Variants in ANKRD36 observed in about 807,000 individuals in gnomAD.
ANKRD36 encodes ankyrin repeat domain 36, also known as ankyrin repeat domain-containing protein 36A.
In ANKRD36, 179 loss-of-function variants were observed where a neutral mutation model predicts 278.1. That is an observed-to-expected ratio of 0.64 (90% CI 0.57 to 0.73). The LOEUF (loss-of-function observed/expected upper bound fraction) is 0.73. ANKRD36 is among the 30% of genes least tolerant of loss of function. ANKRD36 has a pLI of 0.00. For missense variants in ANKRD36, 1,159 were observed against 1,956.7 expected (o/e 0.59, Z 7.69); for synonymous variants, 320 against 641.1 (o/e 0.50, Z 7.57).
Position 97,156,148 on chromosome 2 carries a change from T to G in ANKRD36, c.1260+1407T>G, listed in dbSNP as rs1180251478. Among the ~76,000 whole-genome samples the G allele has an allele frequency of 1.4e-5, 2 of 146,938 alleles. 1 individual carries two copies. The highest frequency in any genetic ancestry group is 3.1e-5 in the Non-Finnish European group (2 of 65,088). ...GGAAGCTTAGATTAGGATTTTAGAT[T>G]AAATTTTCTTAAATTTTTAAAGCCC... On this transcript the variant is annotated intron_variant, in intron 15 of 75. Transcript: ENST00000420699.
At chr2:97,222,336 C>T (rs375282235) in intron 66 of ANKRD36, among the ~76,000 whole-genome samples, 17 of 152,176 alleles carry the variant, frequency 1.1e-4, no homozygotes, top group African/African-American at 2.6e-4. Context: ...GCTTTTGAAT[C>T]GTTACCTAGC....
At chr2:97,140,430 A>G (rs1035021629) in intron 6 of ANKRD36, among the ~76,000 whole-genome samples, 6 of 152,024 alleles carry the variant, frequency 3.9e-5, no homozygotes, top group African/African-American at 1.2e-4. Context: ...GAAAGTGTTC[A>G]TATCCTGGAA....
chr2:97,120,305 A>G (rs974605012), intron 3 of ANKRD36, among the ~76,000 whole-genome samples: 1 of 86,512 alleles, frequency 1.2e-5, no homozygotes, highest in African/African-American at 3.4e-5. Flanking sequence ...GGACTGCCTC[A>G]GTATGTCAGT....
At chr2:97,211,612 G>C (rs1436586435) in intron 57 of ANKRD36, 38 bp downstream of exon 57, 19 of 1,600,486 alleles carry the variant, frequency 1.2e-5, no homozygotes, top group Non-Finnish European at 1.5e-5. Flanking sequence ...ACTATTAACT[G>C]TATAGTATAT....
chr2:97,130,078 C>G (rs1313112635), intron 6 of ANKRD36, among the ~76,000 whole-genome samples: 1 of 152,006 alleles, frequency 6.6e-6, no homozygotes, highest in Non-Finnish European at 1.5e-5. Context: ...GCCATTTTGA[C>G]AGTATTGATA....
intron 6 of ANKRD36, among the ~76,000 whole-genome samples, chr2:97,137,809 C>T (rs368361227): frequency 6.6e-5 from 10 of 152,090 alleles, no homozygotes; most frequent in South Asian, 4.2e-4. Flanking sequence ...CTAAATGGCG[C>T]GAGATGGTAT....
At chr2:97,206,394 G>C (rs1188900545) in intron 52 of ANKRD36, among the ~76,000 whole-genome samples, 2 of 151,460 alleles carry the variant, frequency 1.3e-5, no homozygotes, top group East Asian at 3.9e-4. Flanking sequence ...AAGGGTCTCT[G>C]GGGAACAGCA....
intron 75 of ANKRD36, chr2:97,252,409 TTTATGTC>T (rs1188978202): frequency 4.8e-5 from 3 of 63,076 alleles, no homozygotes; most frequent in Non-Finnish European, 8.5e-5. Flanking sequence ...TTTTTTATCT[TTTATGTC>T]TGATGAAAAT....
intron 11 of ANKRD36, 99 bp from the exon 12 acceptor site, chr2:97,149,196 C>T: frequency 7.3e-6 from 7 of 955,598 alleles, no homozygotes; most frequent in Non-Finnish European, 9.5e-6. Context: ...CTTTGTTTTA[C>T]CATTTTTTTG....
chr2:97,161,958 A>G (rs1192233897), intron 17 of ANKRD36, 141 bp from the exon 18 acceptor site: 1 of 500,010 alleles, frequency 2.0e-6, no homozygotes, highest in Non-Finnish European at 2.9e-6. Flanking sequence ...TAAATAAATA[A>G]AATTAGTATT....
At chr2:97,197,048 G>A (rs1324171845) in intron 42 of ANKRD36, among the ~76,000 whole-genome samples, 2 of 151,986 alleles carry the variant, frequency 1.3e-5, no homozygotes, top group African/African-American at 4.8e-5. Flanking sequence ...AGGGTCTCTG[G>A]GGAACAGCAT....
At chr2:97,178,790 G>T (rs1181290513) in intron 22 of ANKRD36, among the ~76,000 whole-genome samples, 1 of 122,920 alleles carries the variant, frequency 8.1e-6, no homozygotes, top group Non-Finnish European at 2.0e-5. Flanking sequence ...TAACTAACCT[G>T]CACAATGTGC....
Position 97,197,451 on chromosome 2 carries a change from A to G in ANKRD36, c.2653+663A>G, listed in dbSNP as rs1374066664. On this transcript the variant is annotated intron_variant, in intron 42 of 75. Transcript: ENST00000420699. Reference sequence around the variant, plus strand: ...CACTGACTCATTACTCTCCTTTGTTACTGTTAGACATCAGAGATATATGTT... The same window carrying G: ...CACTGACTCATTACTCTCCTTTGTTGCTGTTAGACATCAGAGATATATGTT... 2.3e-4 allele frequency among the ~76,000 whole-genome samples: 35 copies of G among 151,964 alleles called. 1 individual carries two copies. The highest frequency in any genetic ancestry group is 2.6e-4 in the Admixed American group (4 of 15,230).
chr2:97,202,136 C>T, intron 46 of ANKRD36, 66 bp from the exon 47 acceptor site: 3 of 1,599,446 alleles, frequency 1.9e-6, no homozygotes, highest in Non-Finnish European at 2.5e-6. Flanking sequence ...TCTAACAGTG[C>T]TCGAATGTAT....
chr2:97,132,252 G>A (rs1379191343), intron 6 of ANKRD36, among the ~76,000 whole-genome samples: 1 of 151,572 alleles, frequency 6.6e-6, no homozygotes, highest in Non-Finnish European at 1.5e-5. Context: ...TGCCTCAGCC[G>A]TTGGAGTAGT....
intron 36 of ANKRD36, among the ~76,000 whole-genome samples, chr2:97,191,382 C>T (rs1399513538): frequency 6.6e-6 from 1 of 151,642 alleles, no homozygotes; most frequent in East Asian, 2.0e-4. Context: ...TTATACACTT[C>T]CCCACATTCA....
intron 46 of ANKRD36, among the ~76,000 whole-genome samples, chr2:97,201,744 G>C (rs1165619672): frequency 6.6e-6 from 1 of 151,926 alleles, no homozygotes; most frequent in African/African-American, 2.4e-5. Context: ...TCGCAATTGT[G>C]TGCCTTCTCA....
At chr2:97,195,516 C>T (rs1158223018) in intron 40 of ANKRD36, among the ~76,000 whole-genome samples, 1 of 152,006 alleles carries the variant, frequency 6.6e-6, no homozygotes, top group African/African-American at 2.4e-5. Flanking sequence ...CCAGCAACTG[C>T]TGGAAGCAGG....
intron 46 of ANKRD36, among the ~76,000 whole-genome samples, chr2:97,200,915 C>T (rs544514365): frequency 9.2e-5 from 14 of 151,970 alleles, no homozygotes; most frequent in African/African-American, 2.2e-4. Flanking sequence ...CATTATAACC[C>T]GTAGACACTG....
Sources: gnomAD v4.1 joint callset for allele counts (sites outside exome capture counted in the v4.1 genomes callset) on GRCh38, gnomAD v4.1.1 for gene constraint, MANE v1.5 for transcripts, NCBI Gene and HGNC (gene_info 2026-07-23, HGNC 2026-07-21) for gene names.